Variants in TRIM14 observed in about 807,000 individuals in gnomAD.
TRIM14 encodes tripartite motif-containing protein 14.
Under a neutral mutation model 44.5 loss-of-function variants are expected in TRIM14, and 28 were observed. That is an observed-to-expected ratio of 0.63 (90% CI 0.47 to 0.86). The LOEUF (loss-of-function observed/expected upper bound fraction) is 0.86. Among genes scored for constraint, TRIM14 ranks in the 40% least tolerant of loss-of-function variants. The pLI is 0.00. For missense variants in TRIM14, 607 were observed against 611.1 expected (o/e 0.99, Z 0.07); for synonymous variants, 299 against 269.2 (o/e 1.11, Z -1.08).
chr9:98,099,969 T>C lies in TRIM14; in HGVS notation c.499A>G (p.Ser167Gly), dbSNP rs745689594. The change falls in exon 3 of 6, where the codon AGT becomes GGT. Residue 167 changes from serine to glycine, a missense_variant. Coordinates refer to ENST00000341469, the MANE Select transcript of TRIM14 (RefSeq NM_014788.4). ...ACAGGATCGGGCTCCTGGCTGATAC[T>C]CCAGACCCTGTTGGAGAGATCATTC... ...IMNDLSNRVW[S>G]ISQEPDPVQR... 1.1e-5 allele frequency: 18 copies of C among 1,613,900 alleles called. No homozygotes were observed. Among genetic ancestry groups the C allele is most frequent in the Admixed American group, 1.7e-5 (1 of 60,008 alleles).
downstream of TRIM14, chr9:98,082,728 G>A (rs1829933953): frequency 1.6e-5 from 14 of 866,066 alleles, no homozygotes; most frequent in South Asian, 2.3e-4. Flanking sequence ...GGGCAACAGA[G>A]TGCCTGCTCC....
chr9:98,113,167 C>T (rs929145567), intron 1 of TRIM14, among the ~76,000 whole-genome samples: 2 of 133,232 alleles, frequency 1.5e-5, no homozygotes, highest in African/African-American at 5.4e-5. Flanking sequence ...TTTTCTAAAA[C>T]TTAAGTATTA....
intron 2 of TRIM14, among the ~76,000 whole-genome samples, chr9:98,104,624 G>T (rs1435835003): frequency 6.6e-6 from 1 of 152,190 alleles, no homozygotes; most frequent in African/African-American, 2.4e-5. Context: ...GGTCCCACTG[G>T]TTCAAAGTGA....
rs1385826950 is a variant in TRIM14 at position 98,087,901 on chromosome 9, C to T, written c.898G>A (p.Val300Met). Reference sequence around the variant, plus strand: ...AGCGCGTCGAACCGCAGCACGGGCACGGGCCCCAGGCTGCCCAGCAGGCCG... The same window carrying T: ...AGCGCGTCGAACCGCAGCACGGGCATGGGCCCCAGGCTGCCCAGCAGGCCG... ...RCGLLGSLGPVPVLRFDALWQ... is the reference protein window; with the variant it reads ...RCGLLGSLGPMPVLRFDALWQ... Residue 300 changes from valine (V) to methionine (M), a missense_variant, in exon 6 of 6, where the codon GTG (valine) becomes ATG (methionine). Physicochemically the swap from Val to Met is conservative, Grantham distance 21 (BLOSUM62 1). Coordinates refer to ENST00000341469, the MANE Select transcript of TRIM14 (RefSeq NM_014788.4). 6.4e-6 allele frequency: 10 copies of T among 1,569,762 alleles called. No individual in the cohort carries two copies. Among genetic ancestry groups the T allele is most frequent in the East Asian group, 2.4e-5 (1 of 41,760 alleles).
chr9:98,114,679 A>G (rs193288960), intron 1 of TRIM14, among the ~76,000 whole-genome samples: 3 of 152,316 alleles, frequency 2.0e-5, no homozygotes, highest in African/African-American at 7.2e-5. Flanking sequence ...TCAGCTACAA[A>G]ATTTGCTTCA....
chr9:98,060,860 T>C, the TRIM14 span: 4 of 1,614,172 alleles, frequency 2.5e-6, no homozygotes, highest in Admixed American at 3.3e-5. Context: ...GGAGAGGCCA[T>C]ACACCTCGAA....
intron 1 of TRIM14, among the ~76,000 whole-genome samples, chr9:98,111,703 G>A (rs1006605255): frequency 6.6e-6 from 1 of 152,200 alleles, no homozygotes; most frequent in African/African-American, 2.4e-5. Context: ...ACTTTGGGAG[G>A]CCAAGGCAGG....
intron 6 of TRIM14, among the ~76,000 whole-genome samples, chr9:98,077,299 T>C (rs1829635772): frequency 6.6e-6 from 1 of 152,130 alleles, no homozygotes; most frequent in African/African-American, 2.4e-5. Context: ...CTTCCATTTT[T>C]TGTAAGCTAA....
At chr9:98,101,256 T>G (rs1268899387) in intron 2 of TRIM14, among the ~76,000 whole-genome samples, 1 of 152,076 alleles carries the variant, frequency 6.6e-6, no homozygotes, top group South Asian at 2.1e-4. Flanking sequence ...ATTACAGGCA[T>G]GAGACACCAT....
Position 98,087,663 on chromosome 9 carries a change from C to A in TRIM14, c.1136G>T (p.Arg379Leu). ...GTCGTCGCGGGGCCGCAGGCGGCTG[C>A]GCTGGCCGTCGTGGAAGGCCCAGTA... is the stretch of plus-strand genomic sequence containing the variant. ...LEYWAFHDGQ[R>L]SRLRPRDDLD... is the part of the protein sequence containing the mutation. The change falls in exon 6 of 6, where the codon CGC becomes CTC. Residue 379 changes from arginine to leucine, a missense_variant. Arg to Leu is a moderately radical substitution (Grantham distance 102, BLOSUM62 -2). Around this residue, in one of 3 missense-constraint regions of TRIM14, gnomAD observed 356 missense variants for 323.0 expected, o/e 1.10. Transcript: ENST00000341469. The A allele has an allele frequency of 6.2e-7, 1 of 1,602,950 alleles. No homozygotes were observed.
intron 6 of TRIM14, chr9:98,074,879 G>C (rs1048062360): frequency 1.3e-5 from 2 of 152,084 alleles, no homozygotes; most frequent in Non-Finnish European, 2.9e-5. Context: ...CTCTTCATCT[G>C]CCAAATGAAG....
At chr9:98,063,623 TCTCAAACTCCTGGC>T in the TRIM14 span, among the ~76,000 whole-genome samples, 1 of 151,484 alleles carries the variant, frequency 6.6e-6, no homozygotes, top group Non-Finnish European at 1.5e-5. Flanking sequence ...CTTACTGCAG[TCTCAAACTCCTGGC>T]CTCAAGTGAT....
In TRIM14 at chr9:98,087,077, C is replaced by G. The variant is rs1229974553; in HGVS notation, c.*393G>C. Reference sequence around the variant, plus strand: ...GGACTGGATGACTCCCATTCATTCACAAACGTTTACTGTGTGCCTACTATG... The same window carrying G: ...GGACTGGATGACTCCCATTCATTCAGAAACGTTTACTGTGTGCCTACTATG... On this transcript the variant is annotated 3_prime_UTR_variant, in exon 6 of 6. Transcript: ENST00000341469. 5 of 399,994 alleles carry G rather than the reference C, an allele frequency of 1.3e-5. No individual in the cohort carries two copies. Among genetic ancestry groups the G allele is most frequent in the African/African-American group, 1.0e-4 (5 of 48,492 alleles). The allele number at this position is 399,994 out of a possible 1,614,324, so 24.8% of individuals were successfully genotyped here. A position where few individuals can be genotyped will look rare whatever the true frequency, so the allele number is the denominator to read the frequency against.
At chr9:98,050,921 G>A in the TRIM14 span, among the ~76,000 whole-genome samples, 1 of 152,068 alleles carries the variant, frequency 6.6e-6, no homozygotes, top group Non-Finnish European at 1.5e-5. Flanking sequence ...TTACAGGCAG[G>A]CACCGCCACA....
chr9:98,094,393 C>T (rs556591906), intron 4 of TRIM14, among the ~76,000 whole-genome samples: 7 of 152,102 alleles, frequency 4.6e-5, no homozygotes, highest in East Asian at 1.9e-4. Flanking sequence ...CATGAGCACC[C>T]TCTAGCAGGA....
the TRIM14 span, among the ~76,000 whole-genome samples, chr9:98,040,685 T>G: frequency 6.7e-6 from 1 of 148,280 alleles, no homozygotes; most frequent in Admixed American, 6.9e-5. Flanking sequence ...TGAGACGGAG[T>G]CTCGCTGTGT....
chr9:98,046,511 G>A, the TRIM14 span, among the ~76,000 whole-genome samples: 10 of 151,724 alleles, frequency 6.6e-5, no homozygotes, highest in East Asian at 1.4e-3. Flanking sequence ...GCGTGATCTC[G>A]GCTCACAGCA....
At chr9:98,056,787 C>T in the TRIM14 span, 4 of 1,604,410 alleles carry the variant, frequency 2.5e-6, no homozygotes, top group East Asian at 6.7e-5. Flanking sequence ...GGTAGTGAGG[C>T]TTTGGACCCC....
the TRIM14 span, among the ~76,000 whole-genome samples, chr9:98,045,416 A>G: frequency 6.6e-6 from 1 of 152,190 alleles, no homozygotes; most frequent in Non-Finnish European, 1.5e-5. Context: ...GTATAAACAA[A>G]CCATGGCCCA....
Sources: allele counts gnomAD v4.1 joint callset (sites outside exome capture counted in the v4.1 genomes callset), GRCh38; gene constraint gnomAD v4.1.1; regional missense constraint gnomAD v4.1.1; transcripts MANE v1.5; gene names NCBI Gene and HGNC (gene_info 2026-07-23, HGNC 2026-07-21).